UVRAG: variants seen among roughly 807,000 people sequenced by gnomAD.
UVRAG encodes UV radiation resistance associated, also known as UV radiation resistance-associated gene protein.
UVRAG carries 19 observed loss-of-function variants against 78.0 expected under a neutral mutation model. That is an observed-to-expected ratio of 0.24 (90% CI 0.17 to 0.36). The LOEUF is 0.36. UVRAG is among the 10% of genes least tolerant of loss of function. The pLI is 1.00. For missense variants in UVRAG, 740 were observed against 853.8 expected, an observed-to-expected ratio of 0.87 and a Z score of 1.66; for synonymous variants, 323 against 324.6, an observed-to-expected ratio of 1.00 and a Z score of 0.05.
intron 1 of UVRAG, among the ~76,000 whole-genome samples, chr11:75,848,241 G>A (rs1946079159): frequency 6.6e-6 from 1 of 151,952 alleles, no homozygotes; most frequent in East Asian, 1.9e-4. Context: ...TCCAGTTGCT[G>A]GAAGTATCTT....
chr11:76,059,691 A>G (rs1591187340), intron 12 of UVRAG, among the ~76,000 whole-genome samples: 1 of 152,228 alleles, frequency 6.6e-6, no homozygotes. Context: ...TACAGAGGGG[A>G]AATGATTTGT....
chr11:75,901,758 T>A (rs777754712), intron 5 of UVRAG, among the ~76,000 whole-genome samples: 1 of 152,236 alleles, frequency 6.6e-6, no homozygotes, highest in Non-Finnish European at 1.5e-5. Flanking sequence ...CCTCAATAAT[T>A]AATGACTTAT....
At chr11:75,964,629 G>A (rs759495061) in intron 7 of UVRAG, among the ~76,000 whole-genome samples, 3 of 152,190 alleles carry the variant, frequency 2.0e-5, no homozygotes, top group Non-Finnish European at 2.9e-5. Context: ...AGGGCTGGGC[G>A]TGGTGGCCCA....
intron 12 of UVRAG, among the ~76,000 whole-genome samples, chr11:76,033,296 T>C (rs1950470645): frequency 1.3e-5 from 2 of 152,180 alleles, no homozygotes; most frequent in Admixed American, 6.6e-5. Flanking sequence ...TGGAGAAGAA[T>C]AGAGAGAATT....
intron 12 of UVRAG, among the ~76,000 whole-genome samples, chr11:76,055,229 G>T (rs1443392037): frequency 6.6e-6 from 1 of 151,970 alleles, no homozygotes; most frequent in Non-Finnish European, 1.5e-5. Flanking sequence ...TGTATTTTTA[G>T]TAGAGACAGG....
At chr11:76,064,454 T>G (rs1951150552) in intron 12 of UVRAG, among the ~76,000 whole-genome samples, 1 of 152,226 alleles carries the variant, frequency 6.6e-6, no homozygotes, top group South Asian at 2.1e-4. Context: ...GTCATTTTTA[T>G]GCATCTCAAT....
At chr11:75,910,910 T>C (rs1947722467) in intron 5 of UVRAG, among the ~76,000 whole-genome samples, 1 of 152,198 alleles carries the variant, frequency 6.6e-6, no homozygotes, top group Non-Finnish European at 1.5e-5. Context: ...ACATTACATA[T>C]GATGGCTAGG....
chr11:75,819,034 T>A (rs1201723655), intron 1 of UVRAG, among the ~76,000 whole-genome samples: 1 of 152,194 alleles, frequency 6.6e-6, no homozygotes, highest in Non-Finnish European at 1.5e-5. Context: ...GGGGCAAAAT[T>A]ACCCCTAGTT....
At chr11:75,836,474 C>G (rs1275404410) in intron 1 of UVRAG, among the ~76,000 whole-genome samples, 2 of 152,188 alleles carry the variant, frequency 1.3e-5, no homozygotes, top group Non-Finnish European at 2.9e-5. Flanking sequence ...CCCAGACACC[C>G]TGTTTCAAAA....
At chr11:75,857,379 A>G (rs2371373) in intron 2 of UVRAG, among the ~76,000 whole-genome samples, 11,779 of 152,186 alleles carry the variant, frequency 0.077, 1,497 homozygotes, top group African/African-American at 0.26. Flanking sequence ...GCTTGAATGC[A>G]TTGGTTTTAA....
At chr11:76,015,112 T>C (rs1742195958) in intron 11 of UVRAG, among the ~76,000 whole-genome samples, 1 of 152,218 alleles carries the variant, frequency 6.6e-6, no homozygotes, top group African/African-American at 2.4e-5. Context: ...ACTCTCAGAC[T>C]TTTTATGTGC....
intron 14 of UVRAG, among the ~76,000 whole-genome samples, chr11:76,135,910 G>T (rs1479460980): frequency 3.3e-5 from 5 of 152,194 alleles, no homozygotes; most frequent in African/African-American, 1.2e-4. Flanking sequence ...GCTTTTGGTT[G>T]TCTAAGGGTT....
intron 5 of UVRAG, among the ~76,000 whole-genome samples, chr11:75,903,122 T>C (rs1369597669): frequency 2.0e-5 from 3 of 151,946 alleles, no homozygotes; most frequent in Non-Finnish European, 2.9e-5. Flanking sequence ...TCTTTTTCTG[T>C]TTCTGTTGTT....
chr11:75,975,460 G>A (rs1949218884), intron 7 of UVRAG, among the ~76,000 whole-genome samples: 2 of 152,118 alleles, frequency 1.3e-5, no homozygotes, highest in African/African-American at 4.8e-5. Flanking sequence ...CTTGGGCAGT[G>A]TGGCCATTTT....
Position 76,143,065 on chromosome 11 carries a change from A to G in UVRAG, c.*1652A>G, listed in dbSNP as rs1952750838. On this transcript the variant is annotated 3_prime_UTR_variant, in exon 15 of 15. Transcript: ENST00000356136. ...ATGAAGAAGTGGGGCTCCTTCACCTAGAGCAGGAGCTTCTCTGCAGTGTAC... is the reference window on the plus strand; with the variant it reads ...ATGAAGAAGTGGGGCTCCTTCACCTGGAGCAGGAGCTTCTCTGCAGTGTAC... 6.6e-6 allele frequency: 1 copy of G among 152,230 alleles called. No individual in the cohort carries two copies. Among genetic ancestry groups the G allele is most frequent in the South Asian group, 2.1e-4 (1 of 4,830 alleles). The allele number at this position is 152,230 out of a possible 1,614,324, so 9.4% of individuals were successfully genotyped here. A position where few individuals can be genotyped will look rare whatever the true frequency, so the allele number is the denominator to read the frequency against.
Position 76,141,351 on chromosome 11 carries a change from A to T in UVRAG, c.2038A>T (p.Ile680Phe). 1 of 1,614,196 alleles carries T rather than the reference A, an allele frequency of 6.2e-7. No individual in the cohort carries two copies. The highest frequency in any genetic ancestry group is 8.5e-7 in the Non-Finnish European group (1 of 1,180,044). The change falls in exon 15 of 15, where the codon ATC becomes TTC. Residue 680 changes from isoleucine to phenylalanine, a missense_variant. Coordinates refer to ENST00000356136, the MANE Select transcript of UVRAG (RefSeq NM_003369.4). ...AGAATTTGAAGAGTTCTCCCGAAGG[A>T]TCTATGCACTGAATGAAAACGTATC... ...LGEFEEFSRR[I>F]YALNENVSSF...
At chr11:76,007,187 A>G (rs894133022) in intron 9 of UVRAG, among the ~76,000 whole-genome samples, 3 of 151,816 alleles carry the variant, frequency 2.0e-5, no homozygotes, top group Non-Finnish European at 2.9e-5. Flanking sequence ...TAATTTTTTT[A>G]TTTTTGTAGA....
intron 6 of UVRAG, among the ~76,000 whole-genome samples, chr11:75,940,761 T>A (rs1024160693): frequency 2.0e-5 from 3 of 152,144 alleles, no homozygotes; most frequent in African/African-American, 7.2e-5. Context: ...AATGTATGAT[T>A]TTTATCCCCA....
chr11:75,887,739 G>A (rs1213809458), intron 4 of UVRAG, among the ~76,000 whole-genome samples: 1 of 151,858 alleles, frequency 6.6e-6, no homozygotes, highest in Non-Finnish European at 1.5e-5. Context: ...GAGCCACTGC[G>A]CCGGGCCCCA....
Sources: allele counts gnomAD v4.1 joint callset (sites outside exome capture counted in the v4.1 genomes callset), GRCh38; gene constraint gnomAD v4.1.1; transcripts MANE v1.5; gene names NCBI Gene and HGNC (gene_info 2026-07-23, HGNC 2026-07-21).